EXOC6: variants seen among roughly 807,000 people sequenced by gnomAD.
The protein encoded by EXOC6 is exocyst complex component 6.
EXOC6 carries 60 observed loss-of-function variants against 112.5 expected under a neutral mutation model. That is an observed-to-expected ratio of 0.53 (90% CI 0.43 to 0.66). The LOEUF (loss-of-function observed/expected upper bound fraction) is 0.66. Ranked by LOEUF, EXOC6 falls within the 30% of genes least tolerant of loss-of-function variation. The pLI, the probability that EXOC6 is intolerant of heterozygous loss-of-function variation, is 0.00. For missense variants in EXOC6, 855 were observed against 957.1 expected, an observed-to-expected ratio of 0.89 and a Z score of 1.41; for synonymous variants, 295 against 308.0, an observed-to-expected ratio of 0.96 and a Z score of 0.44.
At chr10:92,904,602 G>A (rs1200519110) in intron 5 of EXOC6, among the ~76,000 whole-genome samples, 3 of 152,050 alleles carry the variant, frequency 2.0e-5, no homozygotes, top group African/African-American at 7.2e-5. Context: ...AGGTGTCCAA[G>A]TCTTTTGATC....
intron 18 of EXOC6, among the ~76,000 whole-genome samples, chr10:92,975,335 G>T (rs1311340220): frequency 1.3e-5 from 2 of 149,024 alleles, no homozygotes; most frequent in African/African-American, 5.0e-5. Flanking sequence ...CCTGGCAACC[G>T]CCCGGTCTGA....
intron 17 of EXOC6, among the ~76,000 whole-genome samples, chr10:92,968,603 A>T (rs964336266): frequency 6.6e-6 from 1 of 152,222 alleles, no homozygotes; most frequent in Non-Finnish European, 1.5e-5. Flanking sequence ...GAATTGTGAT[A>T]TATTAATAGT....
At chr10:92,880,898 T>G (rs1044500777) in intron 1 of EXOC6, among the ~76,000 whole-genome samples, 1 of 152,224 alleles carries the variant, frequency 6.6e-6, no homozygotes, top group Non-Finnish European at 1.5e-5. Flanking sequence ...ATTTTAAGTT[T>G]AATACTATTT....
intron 13 of EXOC6, among the ~76,000 whole-genome samples, chr10:92,946,791 C>A (rs927733456): frequency 3.9e-5 from 6 of 152,152 alleles, no homozygotes; most frequent in African/African-American, 1.4e-4. Flanking sequence ...GCTTTTCTCC[C>A]ATAATCTCTT....
chr10:92,911,533 A>G (rs2133877588), intron 6 of EXOC6, among the ~76,000 whole-genome samples: 1 of 152,270 alleles, frequency 6.6e-6, no homozygotes, highest in South Asian at 2.1e-4. Context: ...TTTTTCATAG[A>G]CCAGTTTTGG....
chr10:92,912,399 G>C (rs977727557), intron 6 of EXOC6, among the ~76,000 whole-genome samples: 1 of 152,024 alleles, frequency 6.6e-6, no homozygotes, highest in Non-Finnish European at 1.5e-5. Context: ...CTGGGTCCAG[G>C]GGGGTCACTG....
intron 1 of EXOC6, among the ~76,000 whole-genome samples, chr10:92,858,856 C>A (rs1310660506): frequency 6.6e-6 from 1 of 152,176 alleles, no homozygotes; most frequent in Admixed American, 6.5e-5. Context: ...ACCTCCGCTG[C>A]CCAGGTTCAA....
At position 92,928,619 on chromosome 10, in the gene EXOC6, A is replaced by G. The variant is rs545759440; in HGVS notation, c.972+197A>G. Among the ~76,000 whole-genome samples, 3 of 152,026 alleles carry G rather than the reference A, an allele frequency of 2.0e-5. No individual in the cohort carries two copies. In the East Asian group the frequency reaches 5.8e-4, roughly 29 times the overall value. On this transcript the variant is annotated intron_variant, in intron 9 of 21. Transcript: ENST00000260762. Reference sequence around the variant, plus strand: ...TAAGTCCCTTTTCTCATGAGCTTACATTCTATTAGGAAAGATAGACAGCGA... The same window carrying G: ...TAAGTCCCTTTTCTCATGAGCTTACGTTCTATTAGGAAAGATAGACAGCGA...
intron 19 of EXOC6, among the ~76,000 whole-genome samples, chr10:93,002,138 C>T (rs1008773051): frequency 1.3e-5 from 2 of 151,986 alleles, no homozygotes; most frequent in Non-Finnish European, 2.9e-5. Flanking sequence ...GTGTATTCCT[C>T]CCCCCCTTTT....
At chr10:92,901,488 CATT>C (rs1478048559) in intron 5 of EXOC6, 1 of 151,172 alleles carries the variant, frequency 6.6e-6, no homozygotes, top group Non-Finnish European at 1.5e-5. Context: ...TTATTATTGT[CATT>C]ATTCATTTTG....
At chr10:92,868,013 A>G (rs896532008) in intron 1 of EXOC6, among the ~76,000 whole-genome samples, 1 of 151,940 alleles carries the variant, frequency 6.6e-6, no homozygotes, top group Non-Finnish European at 1.5e-5. Context: ...CATTAGAAAC[A>G]TTTTTTTCAT....
chr10:92,829,035 G>T (rs1376738777), intron 1 of EXOC6, among the ~76,000 whole-genome samples: 1 of 152,160 alleles, frequency 6.6e-6, no homozygotes, highest in Non-Finnish European at 1.5e-5. Context: ...AGGCAGGCTA[G>T]AAGCTTGCGC....
intron 19 of EXOC6, among the ~76,000 whole-genome samples, chr10:93,002,692 C>T: frequency 6.6e-6 from 1 of 152,192 alleles, no homozygotes; most frequent in East Asian, 1.9e-4. Context: ...ATCTAACTCA[C>T]AGTTTGGCAT....
At chr10:92,963,089 A>C (rs1355661897) in intron 17 of EXOC6, among the ~76,000 whole-genome samples, 1 of 152,226 alleles carries the variant, frequency 6.6e-6, no homozygotes, top group Non-Finnish European at 1.5e-5. Flanking sequence ...AGAAAGCTGA[A>C]GTTATATTCA....
rs191628351 is a variant in EXOC6, at chr10:92,989,614, A to G, written c.1954-7860A>G. Among the ~76,000 whole-genome samples, 6 of 152,316 alleles carry G rather than the reference A, an allele frequency of 3.9e-5. No homozygotes were observed. The East Asian group carries it at 1.2e-3, about 29-fold the overall frequency. Reference sequence around the variant, plus strand: ...AAGGAGAAATACTTTGTCCTGTTGAAGACACAGACCCTTAGGCTTTCATTT... The same window carrying G: ...AAGGAGAAATACTTTGTCCTGTTGAGGACACAGACCCTTAGGCTTTCATTT... On this transcript the variant is annotated intron_variant, in intron 18 of 21. Transcript: ENST00000260762.
intron 19 of EXOC6, among the ~76,000 whole-genome samples, chr10:92,999,700 G>A (rs534288541): frequency 2.2e-4 from 29 of 131,972 alleles, no homozygotes; most frequent in African/African-American, 8.9e-4. Context: ...ATCTCTTATT[G>A]TGCCTAATTT....
chr10:92,888,767 T>A (rs567826571), intron 1 of EXOC6, among the ~76,000 whole-genome samples: 189 of 152,344 alleles, frequency 1.2e-3, no homozygotes, highest in African/African-American at 4.1e-3. Context: ...AAAATTTGTT[T>A]ATAGCACACC....
chr10:92,991,301 T>C (rs1259999429), intron 18 of EXOC6, among the ~76,000 whole-genome samples: 3 of 151,686 alleles, frequency 2.0e-5, no homozygotes, highest in Non-Finnish European at 1.5e-5. Context: ...CCGGGCATGG[T>C]CCCTCACGCC....
chr10:92,856,913 T>C (rs1487385225), intron 1 of EXOC6, among the ~76,000 whole-genome samples: 3 of 152,208 alleles, frequency 2.0e-5, no homozygotes, highest in East Asian at 3.8e-4. Context: ...AAGTCTGTTA[T>C]GTCAGATATT....
Sources: gnomAD v4.1 joint callset for allele counts (sites outside exome capture counted in the v4.1 genomes callset) on GRCh38, gnomAD v4.1.1 for gene constraint, MANE v1.5 for transcripts, NCBI Gene and HGNC (gene_info 2026-07-23, HGNC 2026-07-21) for gene names.